The following UGT2A2 variants were observed in gnomAD, a reference collection of about 807,000 sequenced individuals.
UGT2A2 encodes the protein UDP glucuronosyltransferase family 2 member A2, also known as UDP-glucuronosyltransferase 2A2.
A neutral mutation model predicts 50.7 loss-of-function variants in UGT2A2; 60 were observed. The observed-to-expected ratio is 1.18, with a 90% CI of 0.96 to 1.47. The LOEUF (loss-of-function observed/expected upper bound fraction) is 1.47, where lower values mean the gene tolerates loss of function less well. Among genes scored for constraint, UGT2A2 ranks in the 40% most tolerant of loss-of-function variants. UGT2A2 has a pLI of 0.00. For missense variants in UGT2A2, 762 were observed against 634.0 expected (o/e 1.20, Z -2.17); for synonymous variants, 242 against 214.6 (o/e 1.13, Z -1.11).
intron 2 of UGT2A2, 129 bp downstream of exon 2, chr4:69,599,117 G>GA: frequency 7.4e-7 from 1 of 1,358,362 alleles, no homozygotes; most frequent in Non-Finnish European, 9.7e-7. Flanking sequence ...CTATCACAAG[G>GA]AAAATAGATG....
intron 2 of UGT2A2, 78 bp downstream of exon 2, chr4:69,599,168 A>G (rs1577950190): frequency 6.8e-7 from 1 of 1,477,234 alleles, no homozygotes; most frequent in Non-Finnish European, 9.0e-7. Context: ...TTTATTTGTT[A>G]TTGAGGCTAT....
intron 1 of UGT2A2, among the ~76,000 whole-genome samples, chr4:69,616,866 A>G (rs1380619368): frequency 3.5e-5 from 4 of 114,318 alleles, no homozygotes; most frequent in Non-Finnish European, 7.4e-5. Flanking sequence ...GTGGTTTCTA[A>G]GTTTCATTTT....
intron 1 of UGT2A2, among the ~76,000 whole-genome samples, chr4:69,608,510 T>A (rs1719822225): frequency 6.6e-6 from 1 of 151,742 alleles, no homozygotes; most frequent in Non-Finnish European, 1.5e-5. Context: ...ACCTGGCACA[T>A]GTATGTAACT....
chr4:69,600,391 G>A (rs910295290), intron 1 of UGT2A2, among the ~76,000 whole-genome samples: 1 of 152,146 alleles, frequency 6.6e-6, no homozygotes, highest in Non-Finnish European at 1.5e-5. Context: ...CTCAGGTTGT[G>A]GTCACAGGTT....
intron 1 of UGT2A2, among the ~76,000 whole-genome samples, chr4:69,617,605 A>C (rs4148291): frequency 0.35 from 53,364 of 151,546 alleles, 9,744 homozygotes; most frequent in African/African-American, 0.43. Context: ...AGTGCTATCT[A>C]TAAGTTAAAA....
At chr4:69,618,211 G>GTT (rs762836387) in intron 1 of UGT2A2, among the ~76,000 whole-genome samples, 19,793 of 112,170 alleles carry the variant, frequency 0.18, 1,691 homozygotes, top group Non-Finnish European at 0.24. Flanking sequence ...GTGTGTGTGT[G>GTT]TGTGTATGTT....
At chr4:69,609,929 A>G (rs111510909) in intron 1 of UGT2A2, among the ~76,000 whole-genome samples, 1,931 of 152,312 alleles carry the variant, frequency 0.013, 40 homozygotes, top group African/African-American at 0.042. Flanking sequence ...AATGTTGAGC[A>G]TAAGTAGAAA....
intron 1 of UGT2A2, among the ~76,000 whole-genome samples, chr4:69,603,842 T>C (rs1192689268): frequency 2.9e-5 from 4 of 135,870 alleles, no homozygotes; most frequent in Non-Finnish European, 6.2e-5. Flanking sequence ...ATGAATGAAA[T>C]GAAGCGAGAA....
chr4:69,594,756 G>C lies in UGT2A2; in HGVS notation c.1112-60C>G. 7 of 1,542,990 alleles carry C rather than the reference G, an allele frequency of 4.5e-6. No homozygotes were observed. The South Asian group carries it at 7.2e-5, about 16-fold the overall frequency. On this transcript the variant is annotated intron_variant, in intron 4 of 5. Transcript: ENST00000604629. ...ATAATAACACATTAGCAGAATTTGA[G>C]AGACAGAAGGGGTCAAAAAGCTGTA...
At chr4:69,634,701 G>T (rs764949301) in intron 1 of UGT2A2, among the ~76,000 whole-genome samples, 3 of 152,038 alleles carry the variant, frequency 2.0e-5, no homozygotes, top group Non-Finnish European at 4.4e-5. Context: ...AAAAACATTT[G>T]ATAAAATTCA....
intron 1 of UGT2A2, among the ~76,000 whole-genome samples, chr4:69,603,086 GAATA>G (rs1426476632): frequency 7.4e-6 from 1 of 134,698 alleles, no homozygotes; most frequent in Non-Finnish European, 1.6e-5. Flanking sequence ...AAAAATAAAT[GAATA>G]AATAAATAAA....
intron 1 of UGT2A2, chr4:69,635,661 C>T (rs1721639027): frequency 4.4e-6 from 1 of 228,872 alleles, no homozygotes. Context: ...GAAACCTCGT[C>T]TCTATTAAAA....
rs1054319441 is a variant in UGT2A2, at chr4:69,605,769, G to C, written c.743-6375C>G. On this transcript the variant is annotated intron_variant, in intron 1 of 5. Coordinates refer to ENST00000604629, the MANE Select transcript of UGT2A2 (RefSeq NM_001105677.2). Reference sequence around the variant, plus strand: ...ACCACCGATCCCACAGAAATACAAAGTACCATCAGAGAATACTATAAACAC... The same window carrying C: ...ACCACCGATCCCACAGAAATACAAACTACCATCAGAGAATACTATAAACAC... Among the ~76,000 whole-genome samples the C allele has an allele frequency of 2.3e-4, 31 of 136,196 alleles. 9 individuals are homozygous for C. The highest frequency in any genetic ancestry group is 8.3e-4 in the African/African-American group (28 of 33,716). The allele number at this position is 136,196 out of a possible 152,430, so 89.3% of individuals were successfully genotyped here. A position where few individuals can be genotyped will look rare whatever the true frequency, so the allele number is the denominator to read the frequency against.
intron 1 of UGT2A2, among the ~76,000 whole-genome samples, chr4:69,635,989 C>T (rs1015479436): frequency 2.6e-5 from 4 of 151,894 alleles, no homozygotes; most frequent in African/African-American, 9.7e-5. Flanking sequence ...TCCCTGTTCC[C>T]TTAGCTATTA....
At chr4:69,628,823 C>G (rs1030812318) in intron 1 of UGT2A2, among the ~76,000 whole-genome samples, 1 of 150,626 alleles carries the variant, frequency 6.6e-6, no homozygotes, top group Non-Finnish European at 1.5e-5. Context: ...AGAAAAAAGA[C>G]CGCCACAACT....
At chr4:69,611,903 C>A (rs911375043) in intron 1 of UGT2A2, among the ~76,000 whole-genome samples, 5 of 152,040 alleles carry the variant, frequency 3.3e-5, no homozygotes, top group African/African-American at 1.2e-4. Context: ...TTCAACTCCC[C>A]AAATCTACCC....
At chr4:69,593,746 A>C (rs1718720660) in intron 5 of UGT2A2, among the ~76,000 whole-genome samples, 1 of 151,780 alleles carries the variant, frequency 6.6e-6, no homozygotes, top group African/African-American at 2.4e-5. Context: ...TACATATACT[A>C]ATTAAAGGTA....
Position 69,639,562 on chromosome 4 carries a change from C to A in UGT2A2, c.79G>T (p.Val27Phe). The change falls in exon 1 of 6, where the codon GTT becomes TTT. Residue 27 changes from valine (V) to phenylalanine (F), a missense_variant. Val to Phe is a conservative substitution (Grantham distance 50). Coordinates refer to ENST00000604629, the MANE Select transcript of UGT2A2 (RefSeq NM_001105677.2). Reference sequence around the variant, plus strand: ...CAAATTAACACATTCCCACTTAGAACAACTTCAGTCAGAGTCAAATTAAAA... The same window carrying A: ...CAAATTAACACATTCCCACTTAGAAAAACTTCAGTCAGAGTCAAATTAAAA... ...LVFNLTLTEVVLSGNVLIWPT... is the reference protein window; with the variant it reads ...LVFNLTLTEVFLSGNVLIWPT... 6.2e-7 allele frequency: 1 copy of A among 1,611,816 alleles called. No homozygotes were observed. The highest frequency in any genetic ancestry group is 8.5e-7 in the Non-Finnish European group (1 of 1,179,098).
chr4:69,622,068 T>C (rs551999147), intron 1 of UGT2A2, among the ~76,000 whole-genome samples: 1 of 151,934 alleles, frequency 6.6e-6, no homozygotes, highest in East Asian at 1.9e-4. Context: ...CTAGGCTTAA[T>C]ACCTGGGTCA....
Sources: gnomAD v4.1 joint callset for allele counts (sites outside exome capture counted in the v4.1 genomes callset) on GRCh38, gnomAD v4.1.1 for gene constraint, MANE v1.5 for transcripts, NCBI Gene and HGNC (gene_info 2026-07-23, HGNC 2026-07-21) for gene names.